The following ADCY8 variants were observed in gnomAD, a reference collection of about 807,000 sequenced individuals.
The protein encoded by ADCY8 is adenylate cyclase type 8.
ADCY8 carries 51 observed loss-of-function variants against 119.7 expected under a neutral mutation model. The observed-to-expected ratio is 0.43, with a 90% CI of 0.34 to 0.54. ADCY8 has a LOEUF of 0.54. ADCY8 is among the 20% of genes least tolerant of loss of function. The probability of loss-of-function intolerance (pLI) is 0.03; values close to 1 mark genes in which losing one functional copy is unlikely to be tolerated. For missense variants in ADCY8, 1,383 were observed against 1,598.8 expected, an observed-to-expected ratio of 0.87 and a Z score of 2.30; for synonymous variants, 665 against 651.0, an observed-to-expected ratio of 1.02 and a Z score of -0.33.
intron 2 of ADCY8, among the ~76,000 whole-genome samples, chr8:130,989,019 T>C (rs1314260775): frequency 6.6e-6 from 1 of 152,230 alleles, no homozygotes; most frequent in African/African-American, 2.4e-5. Context: ...GTCTGGCAAC[T>C]GATCTGTTTT....
intron 12 of ADCY8, among the ~76,000 whole-genome samples, chr8:130,834,161 A>G (rs746320751): frequency 1.3e-5 from 2 of 152,228 alleles, no homozygotes; most frequent in Admixed American, 1.3e-4. Flanking sequence ...TACCATAAGT[A>G]TATACAATTA....
rs909177970 is a variant in ADCY8, at chr8:130,802,409, TG to T, written c.2914-1838del. Among the ~76,000 whole-genome samples the T allele has an allele frequency of 4.8e-4, 73 of 152,200 alleles. 2 individuals carry two copies. Among genetic ancestry groups the T allele is most frequent in the Admixed American group, 4.7e-3 (72 of 15,280 alleles). ...GATCACTAAAATGAGAGCCTTCTAC[TG>T]GGTTTCCTGACTCCAGTCTTGTTCC... On this transcript the variant is annotated intron_variant, in intron 14 of 17. Coordinates refer to ENST00000286355, the MANE Select transcript of ADCY8 (RefSeq NM_001115.3).
At chr8:131,017,703 C>T (rs944082562) in intron 1 of ADCY8, among the ~76,000 whole-genome samples, 16 of 152,054 alleles carry the variant, frequency 1.1e-4, no homozygotes, top group East Asian at 5.8e-4. Flanking sequence ...AAGGGGCCGA[C>T]GATGGAGCCT....
chr8:130,926,789 G>A (rs1343172280), intron 5 of ADCY8, among the ~76,000 whole-genome samples: 3 of 151,806 alleles, frequency 2.0e-5, no homozygotes, highest in African/African-American at 7.3e-5. Flanking sequence ...TACTTCTATG[G>A]GTTAGCTTCT....
chr8:130,813,837 A>C (rs186069723), intron 14 of ADCY8, among the ~76,000 whole-genome samples: 1 of 152,330 alleles, frequency 6.6e-6, no homozygotes, highest in Admixed American at 6.5e-5. Context: ...ATGCACATAC[A>C]ACTTTAAAAT....
chr8:130,884,125 C>A (rs1447124056), intron 8 of ADCY8, among the ~76,000 whole-genome samples: 2 of 152,130 alleles, frequency 1.3e-5, no homozygotes, highest in Non-Finnish European at 2.9e-5. Context: ...GAATAGATAT[C>A]TAAAATCTAA....
intron 4 of ADCY8, among the ~76,000 whole-genome samples, chr8:130,937,590 T>G (rs897885975): frequency 7.2e-5 from 11 of 152,188 alleles, no homozygotes; most frequent in African/African-American, 2.7e-4. Flanking sequence ...AATTAACAGC[T>G]TTCATCAGTC....
chr8:130,845,555 ACT>A (rs2130295763), intron 11 of ADCY8, among the ~76,000 whole-genome samples: 1 of 152,148 alleles, frequency 6.6e-6, no homozygotes, highest in South Asian at 2.1e-4. Flanking sequence ...TGGGCCACTT[ACT>A]CTCTCCAAAA....
At chr8:131,012,407 A>C (rs4736733) in intron 1 of ADCY8, among the ~76,000 whole-genome samples, 87,489 of 151,438 alleles carry the variant, frequency 0.58, 26,531 homozygotes, top group East Asian at 0.78. Flanking sequence ...ACTGCAGCAA[A>C]AGGGACTGTA....
At chr8:131,011,768 G>A (rs1034678612) in intron 1 of ADCY8, among the ~76,000 whole-genome samples, 14 of 152,240 alleles carry the variant, frequency 9.2e-5, no homozygotes, top group South Asian at 4.1e-4. Context: ...GCATAAAACC[G>A]TGGGATCCTC....
At chr8:130,945,403 A>T (rs1445846943) in intron 3 of ADCY8, among the ~76,000 whole-genome samples, 1 of 152,252 alleles carries the variant, frequency 6.6e-6, no homozygotes, top group Non-Finnish European at 1.5e-5. Context: ...GTGGCAGAAC[A>T]TATGGTCATA....
At chr8:130,960,963 C>A (rs372742193) in intron 2 of ADCY8, among the ~76,000 whole-genome samples, 1 of 152,116 alleles carries the variant, frequency 6.6e-6, no homozygotes, top group East Asian at 1.9e-4. Flanking sequence ...CGAATTTAAA[C>A]CCTGCTGTTC....
Position 130,800,444 on chromosome 8 carries a change from G to C in ADCY8, c.3042C>G (p.Ile1014Met), listed in dbSNP as rs142352284. Residue 1014 changes from isoleucine (I) to methionine (M), a missense_variant, in exon 15 of 18, where the codon ATC (isoleucine) becomes ATG (methionine). Ile to Met is a conservative substitution (Grantham distance 10). Around this residue, in one of 2 missense-constraint regions of ADCY8, gnomAD observed 928 missense variants for 1,163.5 expected, o/e 0.80. Transcript: ENST00000286355. ...GVECLRLLNE[I>M]IADFDELLGE... is the part of the protein sequence containing the mutation. ...GATTTACCTCATCGAAGTCAGCAAT[G>C]ATCTCATTGAGCAAGCGCAGGCATT... 6.2e-7 allele frequency: 1 copy of C among 1,614,022 alleles called. No individual in the cohort carries two copies. Among genetic ancestry groups the C allele is most frequent in the Non-Finnish European group, 8.5e-7 (1 of 1,180,028 alleles).
chr8:130,895,662 G>T (rs1415381563), intron 7 of ADCY8, among the ~76,000 whole-genome samples: 1 of 152,090 alleles, frequency 6.6e-6, no homozygotes, highest in Admixed American at 6.6e-5. Flanking sequence ...GTCAGAAAAA[G>T]CCATGTTACT....
chr8:130,910,881 T>C (rs1031758728), intron 5 of ADCY8, among the ~76,000 whole-genome samples: 9 of 152,202 alleles, frequency 5.9e-5, no homozygotes, highest in African/African-American at 2.2e-4. Context: ...ATGTCATTTA[T>C]GCAGAAAATC....
In ADCY8 at chr8:130,883,102, T is replaced by TATTAAATAAAACAC. The variant is rs377560194; in HGVS notation, c.2109+1448_2109+1461dup. Reference sequence around the variant, plus strand: ...CTGTTCCTCCCTTAGATGTGAATGCTATTAAATAAAACACACTAGAAACTA... The same window carrying TATTAAATAAAACAC: ...CTGTTCCTCCCTTAGATGTGAATGCTATTAAATAAAACACATTAAATAAAACACACTAGAAACTA... On this transcript the variant is annotated intron_variant, in intron 8 of 17. Coordinates refer to ENST00000286355, the MANE Select transcript of ADCY8 (RefSeq NM_001115.3). Among the ~76,000 whole-genome samples the TATTAAATAAAACAC allele has an allele frequency of 8.9e-3, 1,350 of 152,292 alleles. 10 individuals carry two copies. Among genetic ancestry groups the TATTAAATAAAACAC allele is most frequent in the African/African-American group, 0.031 (1,279 of 41,558 alleles).
intron 4 of ADCY8, among the ~76,000 whole-genome samples, chr8:130,941,333 G>A (rs1175316389): frequency 6.6e-6 from 1 of 152,066 alleles, no homozygotes; most frequent in Non-Finnish European, 1.5e-5. Context: ...GGGAAGGACT[G>A]GTTTTGTCTT....
At chr8:130,820,367 C>T (rs1365362403) in intron 13 of ADCY8, among the ~76,000 whole-genome samples, 1 of 152,148 alleles carries the variant, frequency 6.6e-6, no homozygotes, top group Non-Finnish European at 1.5e-5. Flanking sequence ...CCTTGCTGTG[C>T]TTTCCTCCTT....
At chr8:131,037,540 G>A (rs541250061) in intron 1 of ADCY8, among the ~76,000 whole-genome samples, 6 of 152,160 alleles carry the variant, frequency 3.9e-5, no homozygotes, top group Admixed American at 6.5e-5. Flanking sequence ...AGGCTATTGC[G>A]TGAAAAGTAG....
Sources: allele counts gnomAD v4.1 joint callset (sites outside exome capture counted in the v4.1 genomes callset), GRCh38; gene constraint gnomAD v4.1.1; regional missense constraint gnomAD v4.1.1; transcripts MANE v1.5; gene names NCBI Gene and HGNC (gene_info 2026-07-23, HGNC 2026-07-21).